Variants in AR observed in about 807,000 individuals in gnomAD.
AR encodes androgen receptor.
A neutral mutation model predicts 53.9 loss-of-function variants in AR; 8 were observed. That is an observed-to-expected ratio of 0.15 (90% CI 0.09 to 0.27). AR has a LOEUF of 0.27. Among genes scored for constraint, AR ranks in the 10% least tolerant of loss-of-function variants. The probability of loss-of-function intolerance (pLI) is 1.00; values close to 1 mark genes in which losing one functional copy is unlikely to be tolerated. For missense variants in AR, 639 were observed against 742.5 expected, an observed-to-expected ratio of 0.86 and a Z score of 1.62; for synonymous variants, 359 against 316.4, an observed-to-expected ratio of 1.13 and a Z score of -1.43.
chrX:67,709,612 C>T (rs773088507), intron 3 of AR, among the ~76,000 whole-genome samples: 1 of 112,207 alleles, frequency 8.9e-6, no homozygotes, highest in African/African-American at 3.2e-5. Flanking sequence ...CCTCTCCCTG[C>T]TTTGGCTCAC....
At chrX:67,718,365 A>G (rs1215891405) in intron 5 of AR, among the ~76,000 whole-genome samples, 1 of 111,275 alleles carries the variant, frequency 9.0e-6, no homozygotes. Context: ...TCCATATAAC[A>G]TCATGAATTT....
chrX:67,642,195 G>A (rs955775796), intron 1 of AR, among the ~76,000 whole-genome samples: 2 of 111,813 alleles, frequency 1.8e-5, no homozygotes, highest in Admixed American at 9.5e-5. Flanking sequence ...GATAGCATGG[G>A]CAGTTGTCAT....
At chrX:67,548,899 G>A (rs1039865517) in intron 1 of AR, among the ~76,000 whole-genome samples, 2 of 110,135 alleles carry the variant, frequency 1.8e-5, no homozygotes, top group African/African-American at 6.6e-5. Context: ...TTTTTTTTCT[G>A]GTTTGTGATT....
At chrX:67,660,077 TA>T (rs1443049732) in intron 2 of AR, among the ~76,000 whole-genome samples, 10 of 112,216 alleles carry the variant, frequency 8.9e-5, no homozygotes, top group Non-Finnish European at 1.9e-5. Context: ...TTTTTTCTTG[TA>T]AATTTGTTTG....
chrX:67,662,361 G>A (rs1171563164), intron 2 of AR, among the ~76,000 whole-genome samples: 1 of 110,283 alleles, frequency 9.1e-6, no homozygotes, highest in Non-Finnish European at 1.9e-5. Flanking sequence ...ACACTGCTTT[G>A]AATGTGTCCC....
At chrX:67,592,622 T>C (rs1269100645) in intron 1 of AR, among the ~76,000 whole-genome samples, 1 of 97,602 alleles carries the variant, frequency 1.0e-5, no homozygotes, top group Non-Finnish European at 2.1e-5. Context: ...TTTCTTGTTT[T>C]AGGAATATTC....
At chrX:67,596,823 T>C (rs750415170) in intron 1 of AR, among the ~76,000 whole-genome samples, 1 of 112,325 alleles carries the variant, frequency 8.9e-6, no homozygotes, top group Admixed American at 9.4e-5. Context: ...AGCAATAAAG[T>C]GTACCCTGAT....
chrX:67,685,021 C>T, intron 2 of AR, among the ~76,000 whole-genome samples: 1 of 111,090 alleles, frequency 9.0e-6, no homozygotes, highest in Non-Finnish European at 1.9e-5. Context: ...GAAAAAATAC[C>T]AGGGACTTAG....
At position 67,546,511 on chromosome X, in the gene AR, T is replaced by A; in HGVS notation, c.1365T>A (p.Gly455=). Residue 455 remains glycine (G), a synonymous_variant, in exon 1 of 8, where the codon GGT becomes GGA. Coordinates refer to ENST00000374690, the MANE Select transcript of AR (RefSeq NM_000044.6). ...ATGGACCGTGTGGTGGTGGTGGGGG[T>A]GGTGGCGGCGGCGGCGGCGGCGGCG... ...QLYGPCGGGG[G]GGGGGGGGGG... The A allele has an allele frequency of 2.0e-6, 1 of 511,604 alleles. No individual in the cohort carries two copies. The highest frequency in any genetic ancestry group is 2.7e-6 in the Non-Finnish European group (1 of 371,753). 42.2% of individuals were successfully genotyped at this position (511,604 alleles called of 1,213,427 possible).
intron 1 of AR, among the ~76,000 whole-genome samples, chrX:67,636,060 T>G (rs1008563861): frequency 1.8e-5 from 2 of 111,621 alleles, no homozygotes. Context: ...TTAATGTTGA[T>G]GAGCCCAGAT....
At chrX:67,698,957 C>T (rs1197975727) in intron 3 of AR, among the ~76,000 whole-genome samples, 1 of 111,609 alleles carries the variant, frequency 9.0e-6, no homozygotes, top group Non-Finnish European at 1.9e-5. Flanking sequence ...GCAGCACATT[C>T]GTTTTATAAA....
rs931031902 is a variant in AR at position 67,555,838 on chromosome X, C to CA, written c.1616+9077dup. ...GATTTCCCTGGGAATGGTGAGCCTC[C>CA]ATTGATGGTTTCAACACACAGCCAA... On this transcript the variant is annotated intron_variant, in intron 1 of 7. Transcript: ENST00000374690. 6.6e-4 allele frequency among the ~76,000 whole-genome samples: 74 copies of CA among 112,435 alleles called. 1 individual carries two copies. The highest frequency in any genetic ancestry group is 3.7e-4 in the South Asian group (1 of 2,702).
rs1037812529 is a variant in AR, at chrX:67,725,083, C to G, written c.*1242C>G. 2 of 174,360 alleles carry G rather than the reference C, an allele frequency of 1.1e-5. No individual in the cohort carries two copies. The highest frequency in any genetic ancestry group is 2.2e-5 in the Non-Finnish European group (2 of 91,514). The allele number at this position is 174,360 out of a possible 1,213,427, so 14.4% of individuals were successfully genotyped here. On this transcript the variant is annotated 3_prime_UTR_variant, in exon 8 of 8. Transcript: ENST00000374690. ...CCAAACTCCGTGAAGCCACAAGCAC[C>G]TTATGTCCTCCCTTCAGTGTTTTGT...
intron 1 of AR, among the ~76,000 whole-genome samples, chrX:67,626,487 C>G (rs1256262381): frequency 1.3e-5 from 1 of 76,981 alleles, no homozygotes; most frequent in Admixed American, 2.1e-4. Context: ...GTCTCCCAGG[C>G]TGGACTGCAG....
intron 1 of AR, among the ~76,000 whole-genome samples, chrX:67,580,542 C>A (rs1922252153): frequency 9.0e-6 from 1 of 111,625 alleles, no homozygotes; most frequent in African/African-American, 3.2e-5. Flanking sequence ...TCATTTATAA[C>A]CTGAATGTAC....
chrX:67,686,348 G>T (rs1328673573), intron 3 of AR, among the ~76,000 whole-genome samples: 4 of 111,358 alleles, frequency 3.6e-5, no homozygotes, highest in African/African-American at 1.3e-4. Context: ...CTCAGCATTA[G>T]AGCAGGCGGT....
rs185434586 is a variant in AR, at chrX:67,728,509, G to A, written c.*4668G>A. ...CTTTGGATGGCACAAAAAGTTATCT[G>A]CAGTTGAAGGCAGAAAGTTGAAATA... is the stretch of plus-strand genomic sequence containing the variant. On this transcript the variant is annotated 3_prime_UTR_variant, in exon 8 of 8. Coordinates refer to ENST00000374690, the MANE Select transcript of AR (RefSeq NM_000044.6). 2.6e-4 allele frequency: 32 copies of A among 122,615 alleles called. No individual in the cohort carries two copies. Among genetic ancestry groups the A allele is most frequent in the Non-Finnish European group, 3.9e-4 (25 of 64,352 alleles). The allele number at this position is 122,615 out of a possible 1,213,427, so 10.1% of individuals were successfully genotyped here. A position where few individuals can be genotyped will look rare whatever the true frequency, so the allele number is the denominator to read the frequency against.
intron 4 of AR, among the ~76,000 whole-genome samples, chrX:67,713,075 G>A (rs1006139341): frequency 3.6e-5 from 4 of 112,045 alleles, no homozygotes; most frequent in Non-Finnish European, 5.6e-5. Flanking sequence ...CACTCCACCT[G>A]TAGGCTGTAG....
chrX:67,605,726 A>G (rs190315170), intron 1 of AR, among the ~76,000 whole-genome samples: 1 of 112,253 alleles, frequency 8.9e-6, no homozygotes, highest in Non-Finnish European at 1.9e-5. Context: ...CATGGCTGCC[A>G]AGCAGCAGAA....
Sources: gnomAD v4.1 joint callset for allele counts (sites outside exome capture counted in the v4.1 genomes callset) on GRCh38, gnomAD v4.1.1 for gene constraint, MANE v1.5 for transcripts, NCBI Gene and HGNC (gene_info 2026-07-23, HGNC 2026-07-21) for gene names.